ADCY5: variants seen among roughly 807,000 people sequenced by gnomAD.
ADCY5 encodes the protein adenylate cyclase type 5.
Under a neutral mutation model 119.7 loss-of-function variants are expected in ADCY5, and 30 were observed. The observed-to-expected ratio is 0.25, with a 90% confidence interval of 0.19 to 0.34. ADCY5 has a LOEUF of 0.34. ADCY5 is among the 10% of genes least tolerant of loss of function. The pLI is 1.00. For missense variants in ADCY5, 1,324 were observed against 1,775.2 expected (o/e 0.75, Z 4.57); for synonymous variants, 753 against 762.2 (o/e 0.99, Z 0.20).
chr3:123,307,045 A>C (rs1006671505), intron 12 of ADCY5, among the ~76,000 whole-genome samples: 10 of 151,996 alleles, frequency 6.6e-5, no homozygotes, highest in Non-Finnish European at 1.3e-4. Context: ...TGAATCACAG[A>C]GACAAAGTAG....
intron 1 of ADCY5, among the ~76,000 whole-genome samples, chr3:123,383,344 G>C (rs553003704): frequency 6.6e-6 from 1 of 152,188 alleles, no homozygotes; most frequent in East Asian, 1.9e-4. Context: ...TGCCCTCCTC[G>C]CCTCCTCGGG....
At chr3:123,426,299 G>GTTT (rs750760543) in intron 1 of ADCY5, among the ~76,000 whole-genome samples, 101 of 97,826 alleles carry the variant, frequency 1.0e-3, no homozygotes, top group East Asian at 3.0e-3. Context: ...TTTCTTTTGT[G>GTTT]TTTTTTTTTT....
At chr3:123,416,072 TAC>T in intron 1 of ADCY5, 1 of 1,201,928 alleles carries the variant, frequency 8.3e-7, no homozygotes, top group Non-Finnish European at 1.1e-6. Flanking sequence ...GGTCAGGGGT[TAC>T]AGTACAGGCC....
At chr3:123,303,030 C>T in intron 14 of ADCY5, 25 bp downstream of exon 14, 1 of 1,611,470 alleles carries the variant, frequency 6.2e-7, no homozygotes, top group East Asian at 2.2e-5. Flanking sequence ...TCAGCACTCC[C>T]TTCCAGCCCC....
chr3:123,342,572 G>C (rs1942343518), intron 3 of ADCY5, among the ~76,000 whole-genome samples: 1 of 152,110 alleles, frequency 6.6e-6, no homozygotes, highest in South Asian at 2.1e-4. Flanking sequence ...CCCCCAACCC[G>C]TGCCCCATCC....
intron 2 of ADCY5, among the ~76,000 whole-genome samples, chr3:123,350,819 A>C (rs1213463552): frequency 1.3e-5 from 2 of 152,222 alleles, no homozygotes; most frequent in African/African-American, 4.8e-5. Flanking sequence ...GCAAGCTGTA[A>C]AATGGTAATT....
chr3:123,325,921 C>T (rs748195478), intron 7 of ADCY5, among the ~76,000 whole-genome samples: 1 of 152,230 alleles, frequency 6.6e-6, no homozygotes, highest in Non-Finnish European at 1.5e-5. Context: ...GAGCTTGGGT[C>T]TCCCAGGCAG....
chr3:123,319,534 A>T, intron 10 of ADCY5, 140 bp downstream of exon 10: 3 of 1,002,804 alleles, frequency 3.0e-6, no homozygotes, highest in Non-Finnish European at 4.3e-6. Context: ...CTCTCTAGGT[A>T]GTGCAGCATC....
intron 8 of ADCY5, among the ~76,000 whole-genome samples, chr3:123,323,365 A>G (rs897946289): frequency 2.6e-5 from 4 of 152,194 alleles, no homozygotes; most frequent in Non-Finnish European, 5.9e-5. Flanking sequence ...TATAGTCCAA[A>G]CTATCTCCTT....
intron 7 of ADCY5, 24 bp from the exon 8 acceptor site, chr3:123,325,486 G>C (rs781557127): frequency 6.2e-6 from 10 of 1,610,822 alleles, no homozygotes; most frequent in Admixed American, 1.7e-5. Flanking sequence ...ACAGAGATGG[G>C]GGGAGATGAG....
intron 1 of ADCY5, among the ~76,000 whole-genome samples, chr3:123,358,232 C>T (rs1302241713): frequency 6.8e-6 from 1 of 147,698 alleles, no homozygotes; most frequent in East Asian, 2.0e-4. Context: ...GTGACATATA[C>T]CCACAGTACA....
intron 2 of ADCY5, 53 bp from the exon 3 acceptor site, chr3:123,347,956 G>A: frequency 6.2e-7 from 1 of 1,610,570 alleles, no homozygotes; most frequent in Non-Finnish European, 8.5e-7. Context: ...TGCCTGGCAA[G>A]TGCTCGCTCC....
At chr3:123,382,368 C>CA (rs5852333) in intron 1 of ADCY5, among the ~76,000 whole-genome samples, 71,880 of 151,714 alleles carry the variant, frequency 0.47, 17,790 homozygotes, top group East Asian at 0.68. Flanking sequence ...GGTGGTTTCT[C>CA]AAAAAATGAA....
At chr3:123,353,009 A>G (rs958163030) in intron 1 of ADCY5, among the ~76,000 whole-genome samples, 1 of 152,198 alleles carries the variant, frequency 6.6e-6, no homozygotes, top group Non-Finnish European at 1.5e-5. Context: ...CCTCCCCCAG[A>G]GATCAGCTCC....
intron 1 of ADCY5, among the ~76,000 whole-genome samples, chr3:123,394,340 AT>A (rs902139092): frequency 2.0e-5 from 3 of 152,012 alleles, no homozygotes; most frequent in African/African-American, 2.4e-5. Flanking sequence ...TTTTGAACGA[AT>A]TTTTTTTAAA....
intron 17 of ADCY5, among the ~76,000 whole-genome samples, chr3:123,294,715 CA>C (rs1157098765): frequency 6.6e-5 from 10 of 152,212 alleles, no homozygotes; most frequent in African/African-American, 2.4e-4. Context: ...AGCATCGGGA[CA>C]GTCGGCAACA....
intron 3 of ADCY5, among the ~76,000 whole-genome samples, chr3:123,343,965 C>A (rs374745992): frequency 6.6e-6 from 1 of 152,230 alleles, no homozygotes; most frequent in Non-Finnish European, 1.5e-5. Flanking sequence ...CGTCTGCCCA[C>A]GGCCAGTGGT....
chr3:123,447,380 A>C (rs1430132957), intron 1 of ADCY5, 32 bp downstream of exon 1: 2 of 1,495,702 alleles, frequency 1.3e-6, no homozygotes, highest in South Asian at 1.4e-5. Flanking sequence ...CCCGCCCCGC[A>C]ATCCAGTCCC....
At chr3:123,406,594 A>AT (rs1944908920) in intron 1 of ADCY5, among the ~76,000 whole-genome samples, 2 of 152,038 alleles carry the variant, frequency 1.3e-5, no homozygotes, top group South Asian at 2.1e-4. Context: ...GAGGAAAGGG[A>AT]TTTTTTTCTT....
Sources: allele counts gnomAD v4.1 joint callset (sites outside exome capture counted in the v4.1 genomes callset), GRCh38; gene constraint gnomAD v4.1.1; transcripts MANE v1.5; gene names NCBI Gene and HGNC (gene_info 2026-07-23, HGNC 2026-07-21).